DNMT3A: variants seen among roughly 807,000 people sequenced by gnomAD.
DNMT3A encodes the protein DNA (cytosine-5)-methyltransferase 3A.
Under a neutral mutation model 117.6 loss-of-function variants are expected in DNMT3A, and 267 were observed. The ratio of observed to expected loss-of-function variants is 2.27; its 90% CI spans 2.05 to 2.51. The LOEUF (loss-of-function observed/expected upper bound fraction) is 2.51, where lower values mean the gene tolerates loss of function less well. Among genes scored for constraint, DNMT3A ranks in the 30% most tolerant of loss-of-function variants. DNMT3A has a pLI of 0.00. For synonymous variants in DNMT3A, 432 were observed against 474.8 expected, an observed-to-expected ratio of 0.91 and a Z score of 1.17; for missense variants, 1,029 against 1,260.2, an observed-to-expected ratio of 0.82 and a Z score of 2.78.
At chr2:25,277,664 A>G (rs1343180002) in intron 4 of DNMT3A, among the ~76,000 whole-genome samples, 1 of 152,134 alleles carries the variant, frequency 6.6e-6, no homozygotes, top group Non-Finnish European at 1.5e-5. Flanking sequence ...ACTTTTACGG[A>G]TAATTATTTA....
intron 1 of DNMT3A, among the ~76,000 whole-genome samples, chr2:25,324,191 T>C (rs770192130): frequency 6.6e-6 from 1 of 152,244 alleles, no homozygotes; most frequent in Non-Finnish European, 1.5e-5. Flanking sequence ...CATTCATTCA[T>C]GCAGCTATTT....
rs1448905801 is a variant in DNMT3A, at chr2:25,229,200, C to T, written c.*5079G>A. On this transcript the variant is annotated 3_prime_UTR_variant, in exon 23 of 23. Transcript: ENST00000321117. Reference sequence around the variant, plus strand: ...CTGCCTTTACCAAAACGTAAAGATTCCAGAGCTCACACTACAACAGCAGAG... The same window carrying T: ...CTGCCTTTACCAAAACGTAAAGATTTCAGAGCTCACACTACAACAGCAGAG... The T allele has an allele frequency of 1.3e-5, 2 of 152,384 alleles. No individual in the cohort carries two copies. The highest frequency in any genetic ancestry group is 4.8e-5 in the African/African-American group (2 of 41,452). The allele number at this position is 152,384 out of a possible 1,614,324, so 9.4% of individuals were successfully genotyped here. A position where few individuals can be genotyped will look rare whatever the true frequency, so the allele number is the denominator to read the frequency against.
chr2:25,338,936 C>T (rs2149454886), intron 1 of DNMT3A, among the ~76,000 whole-genome samples: 1 of 152,268 alleles, frequency 6.6e-6, no homozygotes, highest in African/African-American at 2.4e-5. Flanking sequence ...TATCCACACA[C>T]AGGGATTTAT....
rs1482311862 is a variant in DNMT3A, at chr2:25,305,997, C to A, written c.73-5754G>T. ...GGATCTAGCCAGCTACTTGCCCGGG[C>A]CCCCTGGGACAAGAAGCATGCCCAG... On this transcript the variant is annotated intron_variant, in intron 2 of 22. Coordinates refer to ENST00000321117, the MANE Select transcript of DNMT3A (RefSeq NM_022552.5). The surrounding 1 kb of genome is among the most constrained non-coding windows in gnomAD (Gnocchi z 4.1). 1.3e-5 allele frequency among the ~76,000 whole-genome samples: 2 copies of A among 152,202 alleles called. No individual in the cohort carries two copies. The highest frequency in any genetic ancestry group is 2.9e-5 in the Non-Finnish European group (2 of 68,020).
rs1450721986 is a variant in DNMT3A at position 25,243,943 on chromosome 2, T to A, written c.1891A>T (p.Arg631Trp). 6.4e-7 allele frequency: 1 copy of A among 1,552,688 alleles called. No homozygotes were observed. Among genetic ancestry groups the A allele is most frequent in the Admixed American group, 2.0e-5 (1 of 51,054 alleles). Reference sequence around the variant, plus strand: ...AGAGACAGCACCCGGATGGGCTTCCTCTTCTCAGCTGGGACAGGTGGGTAA... The same window carrying A: ...AGAGACAGCACCCGGATGGGCTTCCACTTCTCAGCTGGGACAGGTGGGTAA... ...KVYPPVPAEKRKPIRVLSLFD... is the reference protein window; with the variant it reads ...KVYPPVPAEKWKPIRVLSLFD... Residue 631 changes from arginine to tryptophan, a missense_variant, in exon 16 of 23, where the codon AGG becomes TGG. By Grantham distance (101) the Arg-to-Trp change is moderately radical. Coordinates refer to ENST00000321117, the MANE Select transcript of DNMT3A (RefSeq NM_022552.5).
chr2:25,271,613 A>G (rs1180811577), intron 6 of DNMT3A, among the ~76,000 whole-genome samples: 1 of 152,250 alleles, frequency 6.6e-6, no homozygotes, highest in African/African-American at 2.4e-5. Flanking sequence ...GGCCAGTTAT[A>G]AAACTCGGTA....
rs1450721986 is a variant in DNMT3A, at chr2:25,243,943, T to G, written c.1891A>C (p.Arg631=). The G allele has an allele frequency of 6.4e-7, 1 of 1,552,690 alleles. No individual in the cohort carries two copies. ...AGAGACAGCACCCGGATGGGCTTCCTCTTCTCAGCTGGGACAGGTGGGTAA... is the reference window on the plus strand; with the variant it reads ...AGAGACAGCACCCGGATGGGCTTCCGCTTCTCAGCTGGGACAGGTGGGTAA... ...KVYPPVPAEK[R]KPIRVLSLFD... is the part of the protein sequence containing the mutation. Residue 631 remains arginine (R), a synonymous_variant, in exon 16 of 23, where the codon AGG becomes CGG. Transcript: ENST00000321117.
At chr2:25,334,413 C>T (rs1472554672) in intron 1 of DNMT3A, among the ~76,000 whole-genome samples, 1 of 152,204 alleles carries the variant, frequency 6.6e-6, no homozygotes, top group East Asian at 1.9e-4. Flanking sequence ...TCCTGAAGCC[C>T]CACTTTGTCT....
intron 10 of DNMT3A, 74 bp downstream of exon 10, chr2:25,246,546 G>A (rs1674795417): frequency 6.5e-7 from 1 of 1,549,996 alleles, no homozygotes; most frequent in Non-Finnish European, 8.7e-7. Flanking sequence ...CCCTCCCTAA[G>A]CATGGCTTTC....
At chr2:25,241,454 T>A in intron 17 of DNMT3A, 108 bp downstream of exon 17, 1 of 1,419,384 alleles carries the variant, frequency 7.0e-7, no homozygotes, top group African/African-American at 1.4e-5. Context: ...GGGCAAAGGG[T>A]GAAGAGAAAG....
In DNMT3A at chr2:25,246,032, G is replaced by T. The variant is rs750547411; in HGVS notation, c.1462C>A (p.Arg488=). 2.5e-6 allele frequency: 4 copies of T among 1,613,958 alleles called. No homozygotes were observed. The highest frequency in any genetic ancestry group is 3.4e-6 in the Non-Finnish European group (4 of 1,179,936). Residue 488 remains arginine (R), a synonymous_variant, in exon 12 of 23, where the codon CGG becomes AGG. Coordinates refer to ENST00000321117, the MANE Select transcript of DNMT3A (RefSeq NM_022552.5). ...GCAACAAACTTACCCTCAATGTTCC[G>T]GCACTTCTGCCGCACCTCGTACACC... ...RLVYEVRQKC[R]NIEDICISCG... is the part of the protein sequence containing the mutation.
At chr2:25,316,185 G>A (rs2034374421) in intron 1 of DNMT3A, among the ~76,000 whole-genome samples, 1 of 152,218 alleles carries the variant, frequency 6.6e-6, no homozygotes, top group Admixed American at 6.5e-5. Context: ...TTGTCTTGAT[G>A]CTGCCCTAGG....
chr2:25,243,197 C>T (rs983869182), intron 16 of DNMT3A, among the ~76,000 whole-genome samples: 6 of 151,368 alleles, frequency 4.0e-5, no homozygotes, highest in East Asian at 3.9e-4. Context: ...CCCAGCTACT[C>T]GGGAGGCTGA....
At position 25,248,161 on chromosome 2, in the gene DNMT3A, GGGCT is replaced by G. The variant is rs767439400; in HGVS notation, c.727_730del (p.Ser243LeufsTer72). On this transcript the variant is annotated frameshift_variant, in exon 7 of 23. Transcript: ENST00000321117. LOFTEE classifies it high-confidence loss of function. ...GTCAGTGGGCTGCTGCACAGCAGGA[GGGCT>G]GGCCTCCTCCACCTTCTGAGACTCC... is the stretch of plus-strand genomic sequence containing the variant. The G allele has an allele frequency of 6.2e-7, 1 of 1,613,960 alleles. No individual in the cohort carries two copies. The highest frequency in any genetic ancestry group is 2.2e-5 in the East Asian group (1 of 44,886).
intron 10 of DNMT3A, 53 bp from the exon 11 acceptor site, chr2:25,246,362 A>G: frequency 1.3e-6 from 2 of 1,550,164 alleles, no homozygotes; most frequent in Non-Finnish European, 1.7e-6. Flanking sequence ...AGGAAACTCC[A>G]GCCCCTTCCC....
chr2:25,307,235 G>T (rs187663862), intron 2 of DNMT3A, among the ~76,000 whole-genome samples: 3 of 152,366 alleles, frequency 2.0e-5, no homozygotes, highest in African/African-American at 4.8e-5. Context: ...GGCAGCTGCA[G>T]GGTATGACCA....
At chr2:25,297,623 G>C (rs1423610799) in intron 3 of DNMT3A, among the ~76,000 whole-genome samples, 1 of 148,080 alleles carries the variant, frequency 6.8e-6, no homozygotes, top group East Asian at 2.0e-4. Flanking sequence ...CGATTCTCTT[G>C]CCTCAGCCTC....
intron 6 of DNMT3A, among the ~76,000 whole-genome samples, chr2:25,273,625 T>C (rs554595486): frequency 1.3e-5 from 2 of 152,324 alleles, no homozygotes; most frequent in East Asian, 1.9e-4. Context: ...TCAAAAATTG[T>C]GCGTGGCGAG....
In DNMT3A at chr2:25,252,224, C is replaced by A. The variant is rs987330979; in HGVS notation, c.640-3972G>T. 3 of 1,549,250 alleles carry A rather than the reference C, an allele frequency of 1.9e-6. No individual in the cohort carries two copies. Among genetic ancestry groups the A allele is most frequent in the South Asian group, 1.2e-5 (1 of 83,434 alleles). ...AGGCCAGGTGCAGCCCCTCTGCAGT[C>A]GCGCTCAGGTGTGAGCCGCGGCCCT... On this transcript the variant is annotated intron_variant, in intron 6 of 22. Transcript: ENST00000321117. This position sits in a 1 kb window ranked among gnomAD's most constrained non-coding sequence, Gnocchi z 5.5.
Sources: gnomAD v4.1 joint callset for allele counts (sites outside exome capture counted in the v4.1 genomes callset) on GRCh38, gnomAD v4.1.1 for gene constraint, Gnocchi (gnomAD v3.1) non-coding constraint, MANE v1.5 for transcripts, NCBI Gene and HGNC (gene_info 2026-07-23, HGNC 2026-07-21) for gene names.